The following GLRA2 variants were observed in gnomAD, a reference collection of about 807,000 sequenced individuals.
The protein encoded by GLRA2 is glycine receptor subunit alpha-2.
In GLRA2, 11 loss-of-function variants were observed where a neutral mutation model predicts 31.6. The observed-to-expected ratio is 0.35, with a 90% CI of 0.22 to 0.58. The LOEUF (loss-of-function observed/expected upper bound fraction) is 0.58, where lower values mean the gene tolerates loss of function less well. Among genes scored for constraint, GLRA2 ranks in the 20% least tolerant of loss-of-function variants. GLRA2 has a pLI of 0.84. For synonymous variants in GLRA2, 132 were observed against 134.0 expected, an observed-to-expected ratio of 0.99 and a Z score of 0.10; for missense variants, 212 against 351.8, an observed-to-expected ratio of 0.60 and a Z score of 3.18.
chrX:14,470,239 A>G, the GLRA2 span, among the ~76,000 whole-genome samples: 9 of 112,134 alleles, frequency 8.0e-5, no homozygotes, highest in African/African-American at 2.6e-4. Context: ...TTGATAAAAC[A>G]TCATCAAAAT....
At chrX:14,609,297 C>T (rs2090372932) in intron 7 of GLRA2, 92 bp downstream of exon 7, 2 of 509,046 alleles carry the variant, frequency 3.9e-6, no homozygotes, top group African/African-American at 4.7e-5. Flanking sequence ...TGTTGGCCAC[C>T]CTATGACACT....
intron 7 of GLRA2, among the ~76,000 whole-genome samples, chrX:14,617,016 G>A (rs1305907700): frequency 9.0e-6 from 1 of 111,661 alleles, no homozygotes; most frequent in Admixed American, 9.5e-5. Flanking sequence ...ATTCTCTGGG[G>A]AGAGAGCTGA....
chrX:14,561,563 T>C (rs146690280), intron 2 of GLRA2, among the ~76,000 whole-genome samples: 51 of 112,707 alleles, frequency 4.5e-4, no homozygotes, highest in African/African-American at 1.4e-3. Flanking sequence ...CTATTTAATA[T>C]CTGGCCCCTT....
chrX:14,551,566 C>T (rs3027332), intron 2 of GLRA2, among the ~76,000 whole-genome samples: 4,622 of 111,342 alleles, frequency 0.042, 106 homozygotes, highest in Admixed American at 0.12. Context: ...CATTACATGA[C>T]TTTGTCTCTG....
At chrX:14,494,229 T>C in the GLRA2 span, among the ~76,000 whole-genome samples, 2 of 111,802 alleles carry the variant, frequency 1.8e-5, no homozygotes, top group Non-Finnish European at 1.9e-5. Context: ...TAATATTCTG[T>C]TGTTTACCTA....
Position 14,730,318 on chromosome X carries a change from C to T in GLRA2, c.1192C>T (p.Pro398Ser). 1 of 1,210,787 alleles carries T rather than the reference C, an allele frequency of 8.3e-7. No homozygotes were observed. The highest frequency in any genetic ancestry group is 1.1e-6 in the Non-Finnish European group (1 of 894,970). Residue 398 changes from proline to serine, a missense_variant, in exon 9 of 9, where the codon CCA (proline) becomes TCA (serine). Transcript: ENST00000218075. The stretch of plus-strand genomic sequence containing the variant: ...CAAGGCCACACCTGCCAACCCACTC[C>T]CACAACCGCCAAAAGATGGAGATGC... ...AVKATPANPL[P>S]QPPKDGDAIK...
chrX:14,493,762 T>C, the GLRA2 span, among the ~76,000 whole-genome samples: 96 of 99,622 alleles, frequency 9.6e-4, no homozygotes, highest in African/African-American at 2.5e-3. Flanking sequence ...TATGTATACA[T>C]ATGTATACAT....
chrX:14,593,312 C>A (rs989029832), intron 4 of GLRA2, among the ~76,000 whole-genome samples: 1 of 111,795 alleles, frequency 8.9e-6, no homozygotes, highest in Non-Finnish European at 1.9e-5. Flanking sequence ...AAAGAGGATA[C>A]GATATTTATC....
the GLRA2 span, among the ~76,000 whole-genome samples, chrX:14,512,237 C>A: frequency 1.8e-5 from 2 of 110,950 alleles, no homozygotes; most frequent in Non-Finnish European, 3.8e-5. Flanking sequence ...ATGATTAAAA[C>A]CCTCAGCAAA....
the GLRA2 span, among the ~76,000 whole-genome samples, chrX:14,523,539 G>T: frequency 8.9e-6 from 1 of 112,083 alleles, no homozygotes; most frequent in Non-Finnish European, 1.9e-5. Context: ...CTTTCCATAT[G>T]CTTTCCTCAT....
At chrX:14,629,346 G>C (rs191159912) in intron 7 of GLRA2, among the ~76,000 whole-genome samples, 13 of 111,725 alleles carry the variant, frequency 1.2e-4, no homozygotes, top group Admixed American at 3.8e-4. Context: ...TTACCAATTA[G>C]TGTCATTAGG....
At chrX:14,627,276 A>G (rs6628372) in intron 7 of GLRA2, among the ~76,000 whole-genome samples, 3,182 of 111,405 alleles carry the variant, frequency 0.029, 121 homozygotes, top group African/African-American at 0.097. Context: ...CCTGCTTCTA[A>G]GTGCTTTTTA....
chrX:14,617,553 G>A (rs755417184), intron 7 of GLRA2, among the ~76,000 whole-genome samples: 2 of 111,525 alleles, frequency 1.8e-5, no homozygotes, highest in Non-Finnish European at 3.8e-5. Flanking sequence ...AAAACTAGAG[G>A]CTTAAAAACT....
At chrX:14,501,137 C>G in the GLRA2 span, among the ~76,000 whole-genome samples, 2 of 109,387 alleles carry the variant, frequency 1.8e-5, no homozygotes, top group Non-Finnish European at 1.9e-5. Context: ...ATTCCAGAAT[C>G]TCCCTCTCAG....
chrX:14,652,657 C>T (rs2090901543), intron 7 of GLRA2, among the ~76,000 whole-genome samples: 1 of 110,936 alleles, frequency 9.0e-6, no homozygotes, highest in African/African-American at 3.3e-5. Context: ...AGGAACCATG[C>T]CCATATAAGA....
the GLRA2 span, among the ~76,000 whole-genome samples, chrX:14,449,238 G>A: frequency 8.9e-6 from 1 of 112,398 alleles, no homozygotes; most frequent in Non-Finnish European, 1.9e-5. Context: ...CTTGCACAGA[G>A]CTGCCAAGTG....
At chrX:14,508,681 A>G in the GLRA2 span, among the ~76,000 whole-genome samples, 1 of 111,935 alleles carries the variant, frequency 8.9e-6, no homozygotes, top group Non-Finnish European at 1.9e-5. Context: ...TTCCATTTTT[A>G]ATACACTTCA....
the GLRA2 span, among the ~76,000 whole-genome samples, chrX:14,513,092 G>C: frequency 1.8e-5 from 2 of 111,701 alleles, no homozygotes. Context: ...CAACAGAATA[G>C]AGAACCCAGA....
chrX:14,562,051 T>C (rs1277347475), intron 2 of GLRA2, among the ~76,000 whole-genome samples: 1 of 112,228 alleles, frequency 8.9e-6, no homozygotes, highest in Non-Finnish European at 1.9e-5. Flanking sequence ...AACAAAAAAA[T>C]CTATAGTCAA....
Sources: allele counts gnomAD v4.1 joint callset (sites outside exome capture counted in the v4.1 genomes callset), GRCh38; gene constraint gnomAD v4.1.1; transcripts MANE v1.5; gene names NCBI Gene and HGNC (gene_info 2026-07-23, HGNC 2026-07-21).